The following BEND6 variants were observed in gnomAD, a reference collection of about 807,000 sequenced individuals.
BEND6 encodes the protein BEN domain containing 6, also known as BEN domain-containing protein 6.
BEND6 carries 24 observed loss-of-function variants against 31.8 expected under a neutral mutation model. The observed-to-expected ratio is 0.75, with a 90% CI of 0.55 to 1.06. The LOEUF is 1.06. Among genes scored for constraint, BEND6 ranks in the 50% least tolerant of loss-of-function variants. The probability of loss-of-function intolerance (pLI) is 0.00; values close to 1 mark genes in which losing one functional copy is unlikely to be tolerated. For synonymous variants in BEND6, 109 were observed against 114.6 expected (o/e 0.95, Z 0.31); for missense variants, 294 against 327.4 (o/e 0.90, Z 0.79).
At chr6:57,010,481 T>A (rs1827307154) in intron 3 of BEND6, 1 of 158,578 alleles carries the variant, frequency 6.3e-6, no homozygotes, top group Non-Finnish European at 1.4e-5. Flanking sequence ...CTGGCTGCAG[T>A]AGTGGTGTTA....
chr6:56,966,743 G>A (rs530570507), intron 1 of BEND6, among the ~76,000 whole-genome samples: 7 of 152,094 alleles, frequency 4.6e-5, no homozygotes, highest in African/African-American at 1.4e-4. Context: ...TTTAATTTCC[G>A]AAAAGACAAA....
intron 5 of BEND6, 65 bp downstream of exon 5, chr6:57,017,464 A>G (rs1827603900): frequency 3.4e-6 from 4 of 1,169,262 alleles, no homozygotes; most frequent in Non-Finnish European, 4.4e-6. Flanking sequence ...CAAGGTCAAG[A>G]TAGTCTTTCA....
chr6:56,984,501 T>C (rs2127855229), intron 2 of BEND6, among the ~76,000 whole-genome samples: 1 of 152,342 alleles, frequency 6.6e-6, no homozygotes, highest in Middle Eastern at 3.4e-3. Context: ...GATATCTCAT[T>C]GTTTTAATCT....
At chr6:56,965,727 G>A (rs1241887133) in intron 1 of BEND6, among the ~76,000 whole-genome samples, 1 of 148,180 alleles carries the variant, frequency 6.7e-6, no homozygotes, top group East Asian at 2.0e-4. Flanking sequence ...AGTGTATAAT[G>A]GGATAGATAT....
intron 1 of BEND6, among the ~76,000 whole-genome samples, chr6:56,959,773 T>C (rs956360225): frequency 5.9e-5 from 9 of 152,346 alleles, no homozygotes; most frequent in African/African-American, 2.2e-4. Flanking sequence ...TATTTTACCG[T>C]AATAAAAACT....
At chr6:57,021,373 A>T (rs1201269216) in intron 6 of BEND6, among the ~76,000 whole-genome samples, 1 of 152,178 alleles carries the variant, frequency 6.6e-6, no homozygotes, top group Non-Finnish European at 1.5e-5. Context: ...CACCAAAAAT[A>T]TTCTTTGAAA....
chr6:57,018,681 TA>T (rs1827646252), intron 6 of BEND6, 124 bp downstream of exon 6: 3 of 1,023,402 alleles, frequency 2.9e-6, no homozygotes, highest in Non-Finnish European at 3.8e-6. Context: ...GAAAAGCTAA[TA>T]GGTATTCCTG....
At position 56,969,297 on chromosome 6, in the gene BEND6, G is replaced by C. The variant is rs116316581; in HGVS notation, c.-100-12414G>C. ...ATTTCAATCTTGATTTGTCTTCCTC[G>C]AGAACATATATAACTAAAAATAAAT... On this transcript the variant is annotated intron_variant, in intron 1 of 6. Coordinates refer to ENST00000370746, the MANE Select transcript of BEND6 (RefSeq NM_152731.3). Among the ~76,000 whole-genome samples the C allele has an allele frequency of 5.1e-3, 776 of 152,164 alleles. 7 individuals carry two copies. The highest frequency in any genetic ancestry group is 7.5e-3 in the Non-Finnish European group (513 of 68,006).
At chr6:57,015,498 C>G (rs1562558384) in intron 4 of BEND6, 145 bp downstream of exon 4, 1 of 915,516 alleles carries the variant, frequency 1.1e-6, no homozygotes, top group Non-Finnish European at 1.6e-6. Context: ...TCTTAAGTAC[C>G]ACAAAGAAGA....
chr6:57,001,245 C>A (rs2127874113), intron 3 of BEND6, among the ~76,000 whole-genome samples: 1 of 151,174 alleles, frequency 6.6e-6, no homozygotes, highest in Middle Eastern at 3.4e-3. Flanking sequence ...CTCACTGCAA[C>A]CCCTACCTCC....
intron 3 of BEND6, chr6:57,004,578 A>T (rs1264918315): frequency 2.1e-6 from 2 of 936,358 alleles, no homozygotes; most frequent in Non-Finnish European, 1.7e-6. Flanking sequence ...TACCACCAGG[A>T]CTCAGAGGCC....
At chr6:56,980,336 G>T (rs1279066338) in intron 1 of BEND6, among the ~76,000 whole-genome samples, 3 of 152,124 alleles carry the variant, frequency 2.0e-5, no homozygotes, top group Admixed American at 1.3e-4. Flanking sequence ...CTACAAGCGT[G>T]AGCCACCATG....
intron 2 of BEND6, among the ~76,000 whole-genome samples, chr6:56,985,423 C>T (rs1019360629): frequency 5.9e-5 from 9 of 152,104 alleles, no homozygotes; most frequent in Non-Finnish European, 1.0e-4. Flanking sequence ...GATCTACCTT[C>T]CTCAACACAC....
intron 3 of BEND6, among the ~76,000 whole-genome samples, chr6:57,005,026 A>C (rs1009870864): frequency 2.6e-5 from 4 of 152,222 alleles, no homozygotes; most frequent in Non-Finnish European, 4.4e-5. Context: ...AAACAGTAAG[A>C]TAAATACCAG....
chr6:57,024,528 T>A lies in BEND6; in HGVS notation c.*10-1554T>A, dbSNP rs562775289. The stretch of plus-strand genomic sequence containing the variant: ...TTTTCCTTTGAGCCCTTTGAAAATG[T>A]TGTTTCACTCCTTTCTGGCCTGCGT... On this transcript the variant is annotated intron_variant, in intron 6 of 6. Transcript: ENST00000370746. 2.3e-3 allele frequency among the ~76,000 whole-genome samples: 344 copies of A among 152,286 alleles called. 4 individuals carry two copies. Among genetic ancestry groups the A allele is most frequent in the African/African-American group, 7.7e-3 (321 of 41,566 alleles).
At chr6:56,985,380 G>C (rs1017847154) in intron 2 of BEND6, among the ~76,000 whole-genome samples, 7 of 152,222 alleles carry the variant, frequency 4.6e-5, no homozygotes, top group African/African-American at 1.7e-4. Context: ...TGCTATGGCA[G>C]CTCCACATGT....
At chr6:56,989,933 T>A (rs1414831711) in intron 2 of BEND6, among the ~76,000 whole-genome samples, 1 of 152,216 alleles carries the variant, frequency 6.6e-6, no homozygotes, top group Non-Finnish European at 1.5e-5. Flanking sequence ...TCTTTCCTAT[T>A]ATGATCAATG....
chr6:56,974,607 A>T (rs1388140027), intron 1 of BEND6, among the ~76,000 whole-genome samples: 1 of 152,214 alleles, frequency 6.6e-6, no homozygotes, highest in Non-Finnish European at 1.5e-5. Context: ...GGACAACTTC[A>T]TTGCTTTAAA....
At chr6:56,975,031 T>C (rs1825823722) in intron 1 of BEND6, among the ~76,000 whole-genome samples, 1 of 152,040 alleles carries the variant, frequency 6.6e-6, no homozygotes, top group Admixed American at 6.6e-5. Flanking sequence ...AGGTGGAGAA[T>C]CACTTGAACC....
Sources: allele counts gnomAD v4.1 joint callset (sites outside exome capture counted in the v4.1 genomes callset), GRCh38; gene constraint gnomAD v4.1.1; transcripts MANE v1.5; gene names NCBI Gene and HGNC (gene_info 2026-07-23, HGNC 2026-07-21).